The following KCNAB2 variants were observed in gnomAD, a reference collection of about 807,000 sequenced individuals.
The protein encoded by KCNAB2 is potassium voltage-gated channel subfamily A regulatory beta subunit 2.
A neutral mutation model predicts 63.6 loss-of-function variants in KCNAB2; 29 were observed. The observed-to-expected ratio is 0.46, with a 90% CI of 0.34 to 0.62. The LOEUF (loss-of-function observed/expected upper bound fraction) is 0.62, where lower values mean the gene tolerates loss of function less well. Among genes scored for constraint, KCNAB2 ranks in the 20% least tolerant of loss-of-function variants. The pLI, the probability that KCNAB2 is intolerant of heterozygous loss-of-function variation, is 0.01. For synonymous variants in KCNAB2, 222 were observed against 224.2 expected, an observed-to-expected ratio of 0.99 and a Z score of 0.09; for missense variants, 359 against 563.9, an observed-to-expected ratio of 0.64 and a Z score of 3.68.
At chr1:6,029,869 AAAG>A (rs1204181581), upstream of KCNAB2, among the ~76,000 whole-genome samples, 1 of 152,210 alleles carries the variant, frequency 6.6e-6, no homozygotes, top group Admixed American at 6.5e-5. Flanking sequence ...ACCAGCTCCC[AAAG>A]AAGATCAGAG....
At chr1:6,030,881 TATGTG>T (rs764851859), upstream of KCNAB2, among the ~76,000 whole-genome samples, 3 of 150,786 alleles carry the variant, frequency 2.0e-5, no homozygotes, top group Non-Finnish European at 4.5e-5. Context: ...TGTGTGTATG[TATGTG>T]TAGGTGTGTG....
intron 1 of KCNAB2, among the ~76,000 whole-genome samples, chr1:6,038,068 G>A (rs186251348): frequency 2.0e-3 from 308 of 151,452 alleles, no homozygotes; most frequent in African/African-American, 7.1e-3. Context: ...TAGTAGAGAC[G>A]GGGTTTCACT....
intron 1 of KCNAB2, 25 bp from the exon 2 acceptor site, chr1:6,051,486 G>C (rs1661377897): frequency 2.0e-6 from 3 of 1,472,292 alleles, no homozygotes; most frequent in Non-Finnish European, 2.7e-6. Flanking sequence ...TTGGCACACT[G>C]TCTAACTCAT....
At chr1:6,060,810 G>A (rs1456616708) in intron 2 of KCNAB2, among the ~76,000 whole-genome samples, 1 of 151,364 alleles carries the variant, frequency 6.6e-6, no homozygotes, top group Non-Finnish European at 1.5e-5. Flanking sequence ...GGCTGAGGCA[G>A]GAGAATTGCT....
intron 1 of KCNAB2, among the ~76,000 whole-genome samples, chr1:5,998,625 G>A (rs1433214936): frequency 6.6e-6 from 1 of 152,198 alleles, no homozygotes; most frequent in Non-Finnish European, 1.5e-5. Context: ...CAGAGCCCGG[G>A]GAGGAGAGGA....
At position 6,071,140 on chromosome 1, in the gene KCNAB2, G is replaced by A. The variant is rs1441957001; in HGVS notation, c.219-1615G>A. Among the ~76,000 whole-genome samples, 7 of 152,214 alleles carry A rather than the reference G, an allele frequency of 4.6e-5. No homozygotes were observed. The highest frequency in any genetic ancestry group is 2.0e-4 in the Admixed American group (3 of 15,286). ...AGGCTGAGAGGGACAGAGTGGGCTC[G>A]TGTCAGAAGTCGGGGGTTCAGAATG... is the stretch of plus-strand genomic sequence containing the variant. On this transcript the variant is annotated intron_variant, in intron 2 of 15. Coordinates refer to ENST00000378083, the MANE Select transcript of KCNAB2 (RefSeq NM_001199862.2). This position sits in a 1 kb window ranked among gnomAD's most constrained non-coding sequence, Gnocchi z 8.5.
intron 1 of KCNAB2, among the ~76,000 whole-genome samples, chr1:6,000,598 G>A (rs879764222): frequency 3.7e-4 from 56 of 151,166 alleles, no homozygotes; most frequent in Non-Finnish European, 6.3e-4. Flanking sequence ...ACCCCCCGCC[G>A]CTCTGCTGGT....
rs1392077906 is a variant in KCNAB2, at chr1:6,082,257, A to G, written c.363A>G (p.Glu121=). 5 of 1,613,214 alleles carry G rather than the reference A, an allele frequency of 3.1e-6. No homozygotes were observed. The highest frequency in any genetic ancestry group is 4.2e-6 in the Non-Finnish European group (5 of 1,179,620). The part of the protein sequence containing the change: ...DNGINLFDTA[E]VYAAGKAEVV... ...GCATCAACCTCTTCGATACAGCAGA[A>G]GTCTACGCAGCCGGCAAGTACGTGT... The change falls in exon 5 of 16, where the codon GAA becomes GAG. Residue 121 remains glutamate (E), a synonymous_variant. Coordinates refer to ENST00000378083, the MANE Select transcript of KCNAB2 (RefSeq NM_001199862.2).
chr1:6,057,520 A>C (rs766040741), intron 2 of KCNAB2, among the ~76,000 whole-genome samples: 2 of 152,198 alleles, frequency 1.3e-5, no homozygotes, highest in African/African-American at 2.4e-5. Flanking sequence ...GGCCAAGTGC[A>C]TCCTGGGAAA....
At chr1:6,037,624 A>G (rs1660149949) in intron 1 of KCNAB2, among the ~76,000 whole-genome samples, 1 of 152,234 alleles carries the variant, frequency 6.6e-6, no homozygotes, top group Non-Finnish European at 1.5e-5. Flanking sequence ...TCGAAAGCAC[A>G]GCATCTTTAG....
At chr1:6,081,237 C>T (rs1664183353) in intron 4 of KCNAB2, among the ~76,000 whole-genome samples, 1 of 152,250 alleles carries the variant, frequency 6.6e-6, no homozygotes, top group South Asian at 2.1e-4. Flanking sequence ...CACAGCAGTG[C>T]CGCTCAGGGC....
intron 2 of KCNAB2, among the ~76,000 whole-genome samples, chr1:6,070,128 C>T (rs1189998584): frequency 1.3e-5 from 2 of 152,194 alleles, no homozygotes; most frequent in Non-Finnish European, 2.9e-5. Context: ...CCTCCCTTCT[C>T]GATGCCCAGA....
intron 1 of KCNAB2, chr1:6,007,588 GTTCT>G (rs1327497224): frequency 6.6e-6 from 1 of 152,446 alleles, no homozygotes; most frequent in Non-Finnish European, 1.5e-5. Context: ...TCCGGAAGTG[GTTCT>G]TGCTGTGGCC....
chr1:5,999,625 C>T (rs1316142635), intron 1 of KCNAB2, among the ~76,000 whole-genome samples: 5 of 152,130 alleles, frequency 3.3e-5, no homozygotes, highest in East Asian at 1.9e-4. Context: ...TGTGGCAGGG[C>T]GCCTTGTTAG....
At chr1:6,089,994 G>A (rs1665050528) in intron 8 of KCNAB2, among the ~76,000 whole-genome samples, 3 of 152,342 alleles carry the variant, frequency 2.0e-5, no homozygotes, top group Admixed American at 6.5e-5. Context: ...GGGCCACCAC[G>A]CCCGACCATA....
rs1665914322 is a variant in KCNAB2 at position 6,099,861 on chromosome 1, C to T, written c.*1287C>T. ...AGGGCAGGACAGGCCAGAGTGACGC[C>T]CCCGTGCAGCTTGGGCCGGAGGGCA... is the stretch of plus-strand genomic sequence containing the variant. On this transcript the variant is annotated 3_prime_UTR_variant, in exon 16 of 16. Transcript: ENST00000378083. 2 of 1,548,872 alleles carry T rather than the reference C, an allele frequency of 1.3e-6. No homozygotes were observed. The highest frequency in any genetic ancestry group is 1.7e-6 in the Non-Finnish European group (2 of 1,146,208).
rs569021969 is a variant in KCNAB2, at chr1:6,074,816, G to A, written c.300+1046G>A. 2.0e-5 allele frequency among the ~76,000 whole-genome samples: 3 copies of A among 152,156 alleles called. No individual in the cohort carries two copies. Among genetic ancestry groups the A allele is most frequent in the South Asian group, 2.1e-4 (1 of 4,822 alleles). ...CTAAAAATACAAAAATTAGCTGGGC[G>A]TGGTAGGGGCGCCTGTAATCCCAGC... is the stretch of plus-strand genomic sequence containing the variant. On this transcript the variant is annotated intron_variant, in intron 4 of 15. Coordinates refer to ENST00000378083, the MANE Select transcript of KCNAB2 (RefSeq NM_001199862.2). The surrounding 1 kb of genome is among the most constrained non-coding windows in gnomAD (Gnocchi z 4.9).
intron 2 of KCNAB2, among the ~76,000 whole-genome samples, chr1:6,062,791 G>A (rs905959788): frequency 6.6e-6 from 1 of 152,164 alleles, no homozygotes. Context: ...TTTTTTGGGG[G>A]AGATGGGAAC....
At chr1:6,017,923 T>TTTTTTTTA (rs113232805) in intron 1 of KCNAB2, among the ~76,000 whole-genome samples, 4,038 of 151,088 alleles carry the variant, frequency 0.027, 190 homozygotes, top group African/African-American at 0.093. Flanking sequence ...CAAAAAAAAA[T>TTTTTTTTA]TTTTTTTTAG....
Sources: gnomAD v4.1 joint callset for allele counts (sites outside exome capture counted in the v4.1 genomes callset) on GRCh38, gnomAD v4.1.1 for gene constraint, Gnocchi (gnomAD v3.1) non-coding constraint, MANE v1.5 for transcripts, NCBI Gene and HGNC (gene_info 2026-07-23, HGNC 2026-07-21) for gene names.